The following SLC38A8 variants were observed in gnomAD, a reference collection of about 807,000 sequenced individuals.
SLC38A8 encodes solute carrier family 38 member 8, also known as amino acid transporter SLC38A8.
Under a neutral mutation model 46.0 loss-of-function variants are expected in SLC38A8, and 65 were observed. The ratio of observed to expected loss-of-function variants is 1.41; its 90% CI spans 1.16 to 1.74. The LOEUF is 1.74. Among genes scored for constraint, SLC38A8 ranks in the 40% most tolerant of loss-of-function variants. The probability of loss-of-function intolerance (pLI) is 0.00; values close to 1 mark genes in which losing one functional copy is unlikely to be tolerated. For synonymous variants in SLC38A8, 447 were observed against 243.7 expected, an observed-to-expected ratio of 1.83 and a Z score of -7.77; for missense variants, 998 against 567.9, an observed-to-expected ratio of 1.76 and a Z score of -7.70.
At chr16:84,018,586 T>C (rs528880632) in intron 7 of SLC38A8, among the ~76,000 whole-genome samples, 2 of 152,172 alleles carry the variant, frequency 1.3e-5, no homozygotes, top group South Asian at 2.1e-4. Flanking sequence ...ATTAACCCAT[T>C]AATCCATTAA....
chr16:84,040,454 T>G (rs1407569923), intron 2 of SLC38A8, among the ~76,000 whole-genome samples: 1 of 152,210 alleles, frequency 6.6e-6, no homozygotes, highest in Non-Finnish European at 1.5e-5. Context: ...GGCCAGCATC[T>G]GCATTTCAGC....
chr16:84,016,304 T>C (rs9938112), intron 9 of SLC38A8, among the ~76,000 whole-genome samples: 84 of 152,202 alleles, frequency 5.5e-4, no homozygotes, highest in African/African-American at 2.0e-3. Context: ...CAACCAAACC[T>C]CATCAGGAGC....
At chr16:84,013,799 G>A (rs1390626945) in intron 9 of SLC38A8, among the ~76,000 whole-genome samples, 8 of 151,440 alleles carry the variant, frequency 5.3e-5, no homozygotes, top group Non-Finnish European at 1.0e-4. Context: ...AGCTCCCAAA[G>A]GATCCTCTCT....
intron 10 of SLC38A8, among the ~76,000 whole-genome samples, chr16:84,011,710 T>C (rs929714665): frequency 2.0e-5 from 3 of 152,148 alleles, no homozygotes; most frequent in African/African-American, 7.2e-5. Context: ...CCTAATCTGA[T>C]GGTAGGTATC....
intron 7 of SLC38A8, among the ~76,000 whole-genome samples, chr16:84,019,077 A>G (rs2085066215): frequency 6.6e-6 from 1 of 151,156 alleles, no homozygotes; most frequent in Admixed American, 6.6e-5. Flanking sequence ...CAATTTCTCC[A>G]AAAAAAATTT....
chr16:84,028,572 A>C (rs1327201991), intron 6 of SLC38A8, among the ~76,000 whole-genome samples: 1 of 144,066 alleles, frequency 6.9e-6, no homozygotes, highest in South Asian at 2.1e-4. Context: ...CAAAAAAAGA[A>C]AAAAAAAAAA....
chr16:84,022,895 A>C lies in SLC38A8; in HGVS notation c.691-6T>G. 6.3e-7 allele frequency: 1 copy of C among 1,585,426 alleles called. No individual in the cohort carries two copies. The highest frequency in any genetic ancestry group is 8.6e-7 in the Non-Finnish European group (1 of 1,168,028). ...GAGACGGCAGCTTCGTGACACTGTA[A>C]GACAGAGGGCGGCTCAGCAGGATGC... On this transcript the variant is annotated splice_region_variant and splice_polypyrimidine_tract_variant and intron_variant, in intron 6 of 10. Transcript: ENST00000299709.
In SLC38A8 at chr16:84,036,947, A is replaced by ACC. The variant is rs780006044; in HGVS notation, c.190-49_190-48dup. 13 of 1,426,262 alleles carry ACC rather than the reference A, an allele frequency of 9.1e-6. No individual in the cohort carries two copies. In the South Asian group the frequency reaches 1.6e-4, roughly 18 times the overall value. 88.4% of individuals were successfully genotyped at this position (1,426,262 alleles called of 1,614,324 possible). A position where few individuals can be genotyped will look rare whatever the true frequency, so the allele number is the denominator to read the frequency against. On this transcript the variant is annotated intron_variant, in intron 2 of 10. Transcript: ENST00000299709. Reference sequence around the variant, plus strand: ...TGGAACTGGGGTGTGCCCACAGCCCACCCACCCCCAGCCAGCCACCCCTCG... The same window carrying ACC: ...TGGAACTGGGGTGTGCCCACAGCCCACCCCCACCCCCAGCCAGCCACCCCTCG...
At chr16:84,019,964 G>A (rs972044165) in intron 7 of SLC38A8, among the ~76,000 whole-genome samples, 1 of 152,220 alleles carries the variant, frequency 6.6e-6, no homozygotes, top group Non-Finnish European at 1.5e-5. Context: ...CAGCCCACGT[G>A]TCTGTTCACA....
intron 7 of SLC38A8, among the ~76,000 whole-genome samples, chr16:84,019,552 T>C (rs1305135807): frequency 6.6e-6 from 1 of 152,100 alleles, no homozygotes; most frequent in African/African-American, 2.4e-5. Flanking sequence ...CAACAAGAGT[T>C]TTGGAGGGGA....
At chr16:84,017,708 T>G (rs2085046877) in intron 7 of SLC38A8, among the ~76,000 whole-genome samples, 1 of 152,156 alleles carries the variant, frequency 6.6e-6, no homozygotes, top group Non-Finnish European at 1.5e-5. Context: ...AACCAATACC[T>G]AGAATCACAC....
chr16:84,022,961 T>C (rs1026143667), intron 6 of SLC38A8, 72 bp from the exon 7 acceptor site: 10 of 1,104,232 alleles, frequency 9.1e-6, no homozygotes, highest in Non-Finnish European at 1.1e-5. Flanking sequence ...AAAACTCATA[T>C]CCAAAAGGCG....
intron 7 of SLC38A8, among the ~76,000 whole-genome samples, chr16:84,020,346 A>G (rs2085080578): frequency 6.6e-6 from 1 of 152,096 alleles, no homozygotes; most frequent in Non-Finnish European, 1.5e-5. Context: ...GGGTCTCACT[A>G]CGTTGGCCAG....
intron 10 of SLC38A8, among the ~76,000 whole-genome samples, chr16:84,010,719 G>A (rs2084942740): frequency 6.6e-6 from 1 of 152,166 alleles, no homozygotes; most frequent in Non-Finnish European, 1.5e-5. Context: ...ACTCCAGCCT[G>A]GAGGACAGAG....
chr16:84,038,407 T>C lies in SLC38A8; in HGVS notation c.190-1507A>G, dbSNP rs182652871. 9.7e-4 allele frequency among the ~76,000 whole-genome samples: 147 copies of C among 152,288 alleles called. 1 individual carries two copies. The highest frequency in any genetic ancestry group is 3.4e-3 in the African/African-American group (143 of 41,570). On this transcript the variant is annotated intron_variant, in intron 2 of 10. Coordinates refer to ENST00000299709, the MANE Select transcript of SLC38A8 (RefSeq NM_001080442.3). ...CCGACTCCCCCATGACAGGTTGCTA[T>C]ACTTGCTTTGACTCCTCTACCCTTC...
intron 2 of SLC38A8, among the ~76,000 whole-genome samples, chr16:84,037,360 C>T (rs1479267024): frequency 6.6e-6 from 1 of 151,848 alleles, no homozygotes; most frequent in Admixed American, 6.6e-5. Flanking sequence ...TCTGCTTTTC[C>T]ATCTGTGAAA....
At chr16:84,016,388 T>C in intron 9 of SLC38A8, 131 bp downstream of exon 9, 2 of 1,021,970 alleles carry the variant, frequency 2.0e-6, no homozygotes, top group Non-Finnish European at 2.8e-6. Context: ...AAAGGGCACC[T>C]ACATGGGGTC....
In SLC38A8 at chr16:84,042,152, C is replaced by G. The variant is rs570795956; in HGVS notation, c.6G>C (p.Glu2Asp). 127 of 1,610,288 alleles carry G rather than the reference C, an allele frequency of 7.9e-5. 2 individuals carry two copies. In the South Asian group the frequency reaches 1.3e-3, roughly 16 times the overall value. The change falls in exon 2 of 11, where the codon GAG becomes GAC. Residue 2 changes from glutamate to aspartate, a missense_variant. Transcript: ENST00000299709. Reference protein sequence around the residue: MEGQTPGSRGLP... With the variant: MDGQTPGSRGLP... ...GGCCCCTGCTTCCTGGGGTCTGTCC[C>G]TCCATGGCTAGAGGCGGCAGAGGGG...
At chr16:84,036,662 C>A in intron 3 of SLC38A8, 40 bp downstream of exon 3, 1 of 1,609,264 alleles carries the variant, frequency 6.2e-7, no homozygotes, top group Non-Finnish European at 8.5e-7. Context: ...ATTAGAGGTC[C>A]GGCACCCTGG....
Sources: gnomAD v4.1 joint callset for allele counts (sites outside exome capture counted in the v4.1 genomes callset) on GRCh38, gnomAD v4.1.1 for gene constraint, MANE v1.5 for transcripts, NCBI Gene and HGNC (gene_info 2026-07-23, HGNC 2026-07-21) for gene names.